ANO1: variants seen among roughly 807,000 people sequenced by gnomAD.
ANO1 encodes the protein anoctamin-1.
A neutral mutation model predicts 124.0 loss-of-function variants in ANO1; 59 were observed. That is an observed-to-expected ratio of 0.48 (90% CI 0.39 to 0.59). ANO1 has a LOEUF of 0.59. Among genes scored for constraint, ANO1 ranks in the 20% least tolerant of loss-of-function variants. The probability of loss-of-function intolerance (pLI) is 0.00; values close to 1 mark genes in which losing one functional copy is unlikely to be tolerated. For missense variants in ANO1, 1,059 were observed against 1,328.0 expected (o/e 0.80, Z 3.15); for synonymous variants, 529 against 532.0 (o/e 0.99, Z 0.08).
intron 1 of ANO1, among the ~76,000 whole-genome samples, chr11:70,048,583 C>T (rs1857296167): frequency 6.6e-6 from 1 of 151,722 alleles, no homozygotes; most frequent in Non-Finnish European, 1.5e-5. Flanking sequence ...CCTCTCTCTC[C>T]CCCACCTCCC....
In ANO1 at chr11:70,176,661, G is replaced by A. The variant is rs530393922; in HGVS notation, c.2351-3343G>A. ...GACTTTTGTTGAATTCCAAAAGGGAGGAGGGCATGAGGAGGCCTGTCCGAC... is the reference window on the plus strand; with the variant it reads ...GACTTTTGTTGAATTCCAAAAGGGAAGAGGGCATGAGGAGGCCTGTCCGAC... On this transcript the variant is annotated intron_variant, in intron 22 of 25. Transcript: ENST00000355303. 2.0e-3 allele frequency among the ~76,000 whole-genome samples: 299 copies of A among 152,242 alleles called. 1 individual carries two copies. The highest frequency in any genetic ancestry group is 3.5e-3 in the Non-Finnish European group (240 of 68,014).
the ANO1 span, among the ~76,000 whole-genome samples, chr11:69,980,081 G>C: frequency 1.3e-5 from 2 of 152,088 alleles, no homozygotes; most frequent in Non-Finnish European, 2.9e-5. Context: ...AATAAAGTTC[G>C]ATAAGCCCTA....
intron 1 of ANO1, among the ~76,000 whole-genome samples, chr11:70,047,996 T>C (rs1857287547): frequency 6.6e-6 from 1 of 152,254 alleles, no homozygotes; most frequent in Non-Finnish European, 1.5e-5. Context: ...TGGATTCTGC[T>C]GAAACCTTCC....
At chr11:70,182,099 C>T (rs371962573) in intron 23 of ANO1, among the ~76,000 whole-genome samples, 1 of 152,318 alleles carries the variant, frequency 6.6e-6, no homozygotes, top group East Asian at 1.9e-4. Context: ...CTTCCTGCCT[C>T]ATTCCCTTCT....
intron 24 of ANO1, 102 bp downstream of exon 24, chr11:70,182,788 C>G: frequency 9.5e-7 from 1 of 1,055,934 alleles, no homozygotes; most frequent in Non-Finnish European, 1.3e-6. Context: ...CATGAAACAA[C>G]GCAAACTTGC....
At chr11:70,130,131 C>A (rs374010651) in intron 10 of ANO1, among the ~76,000 whole-genome samples, 7 of 152,182 alleles carry the variant, frequency 4.6e-5, no homozygotes, top group Non-Finnish European at 1.0e-4. Flanking sequence ...AGCATCCCCC[C>A]ACATCACCCT....
chr11:70,124,508 T>G, intron 9 of ANO1, 94 bp downstream of exon 9: 1 of 1,309,696 alleles, frequency 7.6e-7, no homozygotes, highest in Non-Finnish European at 1.1e-6. Context: ...GAATGTTCAG[T>G]ACCCGGGAAC....
Position 70,161,333 on chromosome 11 carries a change from G to A in ANO1, c.1751G>A (p.Gly584Asp), listed in dbSNP as rs757292916. The A allele has an allele frequency of 3.1e-5, 50 of 1,613,854 alleles. No individual in the cohort carries two copies. The highest frequency in any genetic ancestry group is 4.1e-5 in the Non-Finnish European group (48 of 1,179,904). Residue 584 changes from glycine (G) to aspartate (D), a missense_variant, in exon 17 of 26, where the codon GGC becomes GAC. Transcript: ENST00000355303. The stretch of plus-strand genomic sequence containing the variant: ...ATCATCCTCCTGGACGAGGTGTATG[G>A]CTGCATAGCCCGATGGCTCACCAAG... The part of the protein sequence containing the change: ...VVIILLDEVY[G>D]CIARWLTKIE...
At chr11:70,041,142 C>T (rs1282006373) in intron 1 of ANO1, among the ~76,000 whole-genome samples, 1 of 152,256 alleles carries the variant, frequency 6.6e-6, no homozygotes, top group Admixed American at 6.5e-5. Context: ...GCAGGGGATG[C>T]CGACCTCAGC....
chr11:70,045,321 C>A (rs1273633176), intron 1 of ANO1, among the ~76,000 whole-genome samples: 1 of 152,184 alleles, frequency 6.6e-6, no homozygotes, highest in Non-Finnish European at 1.5e-5. Flanking sequence ...AGAAGTCCAA[C>A]TCACAAGTAC....
chr11:70,080,827 A>T (rs1280225726), intron 1 of ANO1, among the ~76,000 whole-genome samples: 1 of 152,172 alleles, frequency 6.6e-6, no homozygotes, highest in Non-Finnish European at 1.5e-5. Flanking sequence ...CTGCCGGTAG[A>T]TGGCCAGACA....
chr11:70,000,932 T>A (rs1157785431), intron 1 of ANO1, among the ~76,000 whole-genome samples: 1 of 151,056 alleles, frequency 6.6e-6, no homozygotes, highest in East Asian at 2.0e-4. Context: ...GATACCCAGC[T>A]TTGGCAAGAA....
the ANO1 span, among the ~76,000 whole-genome samples, chr11:69,971,813 C>T: frequency 2.0e-5 from 3 of 152,184 alleles, no homozygotes; most frequent in African/African-American, 7.2e-5. Flanking sequence ...CTCTCACCTT[C>T]ACGACTGCCG....
At chr11:70,035,639 T>G (rs1395185267) in intron 1 of ANO1, among the ~76,000 whole-genome samples, 1 of 151,946 alleles carries the variant, frequency 6.6e-6, no homozygotes. Flanking sequence ...CATCTAAGTT[T>G]TAAGCCCTGC....
At chr11:69,967,054 CT>C in the ANO1 span, among the ~76,000 whole-genome samples, 1 of 152,224 alleles carries the variant, frequency 6.6e-6, no homozygotes. Context: ...CAGTGCACCC[CT>C]ACCCTCTGTT....
intron 16 of ANO1, among the ~76,000 whole-genome samples, chr11:70,157,366 CAAAAAAAAAA>C (rs529445782): frequency 3.1e-5 from 3 of 98,112 alleles, no homozygotes; most frequent in Non-Finnish European, 5.9e-5. Context: ...GACTCTGTCT[CAAAAAAAAAA>C]AAAAAAAAGG....
the ANO1 span, among the ~76,000 whole-genome samples, chr11:69,980,693 T>C: frequency 4.6e-5 from 7 of 152,210 alleles, no homozygotes; most frequent in South Asian, 4.2e-4. Flanking sequence ...TTAATGCCAC[T>C]GAGCCGCACA....
At chr11:70,031,734 C>T (rs1857004721) in intron 1 of ANO1, among the ~76,000 whole-genome samples, 1 of 152,206 alleles carries the variant, frequency 6.6e-6, no homozygotes, top group African/African-American at 2.4e-5. Context: ...GCCGCTGTCA[C>T]TACAGGTGTT....
chr11:70,116,884 G>A (rs1179881615), intron 8 of ANO1, among the ~76,000 whole-genome samples: 1 of 152,088 alleles, frequency 6.6e-6, no homozygotes, highest in Non-Finnish European at 1.5e-5. Flanking sequence ...GGGCTCCCAG[G>A]CAAATAAACT....
Sources: gnomAD v4.1 joint callset for allele counts (sites outside exome capture counted in the v4.1 genomes callset) on GRCh38, gnomAD v4.1.1 for gene constraint, MANE v1.5 for transcripts, NCBI Gene and HGNC (gene_info 2026-07-23, HGNC 2026-07-21) for gene names.